Variants in RASGRF2 observed in about 807,000 individuals in gnomAD.
RASGRF2 encodes ras-specific guanine nucleotide-releasing factor 2.
In RASGRF2, 76 loss-of-function variants were observed where a neutral mutation model predicts 151.0. The observed-to-expected ratio is 0.50, with a 90% CI of 0.42 to 0.61. The LOEUF is 0.61. Among genes scored for constraint, RASGRF2 ranks in the 20% least tolerant of loss-of-function variants. The pLI is 0.00. For synonymous variants in RASGRF2, 504 were observed against 566.5 expected (o/e 0.89, Z 1.57); for missense variants, 1,148 against 1,564.6 (o/e 0.73, Z 4.49).
At position 81,156,831 on chromosome 5, in the gene RASGRF2, A is replaced by T. The variant is rs73768024; in HGVS notation, c.2687-23344A>T. On this transcript the variant is annotated intron_variant, in intron 17 of 26. Transcript: ENST00000265080. ...GCTGGAGTATCTTTAAAATGCAATA[A>T]GAAAAAGATAATTTAAGGTAGCCTG... Among the ~76,000 whole-genome samples the T allele has an allele frequency of 3.2e-4, 48 of 152,244 alleles. 1 individual carries two copies. Among genetic ancestry groups the T allele is most frequent in the African/African-American group, 1.1e-3 (46 of 41,528 alleles).
At chr5:81,168,280 T>C (rs10474654) in intron 17 of RASGRF2, among the ~76,000 whole-genome samples, 123,212 of 145,742 alleles carry the variant, frequency 0.85, 52,206 homozygotes, top group Admixed American at 0.89. Context: ...ATCATTCCTA[T>C]AGCATGCCAG....
intron 2 of RASGRF2, among the ~76,000 whole-genome samples, 189 bp downstream of exon 2, chr5:81,043,172 A>G (rs1033143357): frequency 6.6e-6 from 1 of 152,222 alleles, no homozygotes; most frequent in African/African-American, 2.4e-5. Flanking sequence ...GATTAATGGT[A>G]ATAGATACAA....
At chr5:80,981,676 A>G (rs1465739588) in intron 1 of RASGRF2, among the ~76,000 whole-genome samples, 2 of 152,036 alleles carry the variant, frequency 1.3e-5, no homozygotes, top group South Asian at 2.1e-4. Context: ...AGTGATTCTC[A>G]TGCCTCAGCC....
chr5:81,002,826 T>C (rs1749120786), intron 1 of RASGRF2, among the ~76,000 whole-genome samples: 1 of 152,192 alleles, frequency 6.6e-6, no homozygotes, highest in South Asian at 2.1e-4. Context: ...ATTGGCATCA[T>C]ATTACATTTA....
intron 1 of RASGRF2, among the ~76,000 whole-genome samples, chr5:81,029,910 G>T (rs995775812): frequency 6.6e-6 from 1 of 152,156 alleles, no homozygotes; most frequent in South Asian, 2.1e-4. Context: ...CTTGAAAAAA[G>T]ATTAGATGAA....
intron 1 of RASGRF2, among the ~76,000 whole-genome samples, chr5:81,009,919 G>A (rs889773374): frequency 4.6e-5 from 7 of 152,172 alleles, no homozygotes; most frequent in Non-Finnish European, 8.8e-5. Flanking sequence ...AGCACTTTGG[G>A]AGGCAGAGGC....
chr5:81,023,756 G>A (rs1241589071), intron 1 of RASGRF2, among the ~76,000 whole-genome samples: 2 of 152,324 alleles, frequency 1.3e-5, no homozygotes, highest in East Asian at 3.9e-4. Context: ...CTGTTAAGGT[G>A]CAGGCTGCAG....
At chr5:80,985,849 G>C (rs1748456765) in intron 1 of RASGRF2, among the ~76,000 whole-genome samples, 1 of 152,152 alleles carries the variant, frequency 6.6e-6, no homozygotes, top group Non-Finnish European at 1.5e-5. Flanking sequence ...TCTGAAGAGA[G>C]TGTTAGGTAT....
At chr5:81,204,689 C>G (rs1040137169) in intron 19 of RASGRF2, among the ~76,000 whole-genome samples, 1 of 152,096 alleles carries the variant, frequency 6.6e-6, no homozygotes, top group Non-Finnish European at 1.5e-5. Flanking sequence ...ACCCAACATG[C>G]CACAAAATAA....
At chr5:81,200,459 A>T (rs1014157140) in intron 18 of RASGRF2, among the ~76,000 whole-genome samples, 9 of 152,166 alleles carry the variant, frequency 5.9e-5, no homozygotes, top group African/African-American at 2.2e-4. Context: ...GTGCCTCTTC[A>T]ATCTCACTTC....
intron 17 of RASGRF2, among the ~76,000 whole-genome samples, chr5:81,155,615 C>T (rs1754242375): frequency 7.5e-6 from 1 of 134,024 alleles, no homozygotes; most frequent in African/African-American, 3.4e-5. Context: ...ATGCCCAAAA[C>T]TGGCAGCAGT....
At chr5:81,121,526 G>T (rs1318002057) in intron 15 of RASGRF2, among the ~76,000 whole-genome samples, 10 of 152,200 alleles carry the variant, frequency 6.6e-5, no homozygotes, top group Non-Finnish European at 1.5e-4. Context: ...GTCAAACAAT[G>T]TGAGGAGAAA....
chr5:81,064,148 G>A (rs541405310), intron 2 of RASGRF2, among the ~76,000 whole-genome samples: 12 of 152,308 alleles, frequency 7.9e-5, no homozygotes, highest in African/African-American at 2.6e-4. Context: ...CACAACTGGG[G>A]AAGGATCCAC....
chr5:81,100,026 G>A (rs771466358), intron 12 of RASGRF2, among the ~76,000 whole-genome samples: 1 of 150,682 alleles, frequency 6.6e-6, no homozygotes, highest in Non-Finnish European at 1.5e-5. Context: ...TCCTGCGTCA[G>A]CCTCCCGAGT....
chr5:81,103,725 G>C (rs1382249526), intron 12 of RASGRF2, among the ~76,000 whole-genome samples: 1 of 143,456 alleles, frequency 7.0e-6, no homozygotes, highest in Non-Finnish European at 1.6e-5. Context: ...GATTGCCTTT[G>C]AAAAATTAAA....
At chr5:81,134,706 G>A (rs1379094471) in intron 17 of RASGRF2, among the ~76,000 whole-genome samples, 4 of 152,156 alleles carry the variant, frequency 2.6e-5, no homozygotes, top group Admixed American at 2.6e-4. Flanking sequence ...ATTACTTGTA[G>A]TAGACTATAC....
chr5:81,033,668 A>C lies in RASGRF2; in HGVS notation c.289-9209A>C, dbSNP rs546052648. Among the ~76,000 whole-genome samples the C allele has an allele frequency of 3.1e-3, 467 of 152,056 alleles. 1 individual carries two copies. The highest frequency in any genetic ancestry group is 7.1e-3 in the Admixed American group (109 of 15,252). On this transcript the variant is annotated intron_variant, in intron 1 of 26. Coordinates refer to ENST00000265080, the MANE Select transcript of RASGRF2 (RefSeq NM_006909.3). ...TAATTCAAGATGGATTAAAGACTTA[A>C]ATGTTAGACCTAAAACCATAAAAAC...
intron 2 of RASGRF2, among the ~76,000 whole-genome samples, chr5:81,064,487 G>T (rs1751536364): frequency 6.6e-6 from 1 of 152,156 alleles, no homozygotes; most frequent in Non-Finnish European, 1.5e-5. Context: ...TTACCTAAGG[G>T]GTTGAGTACT....
chr5:81,117,151 G>C (rs931235730), intron 15 of RASGRF2, among the ~76,000 whole-genome samples: 1 of 152,218 alleles, frequency 6.6e-6, no homozygotes, highest in African/African-American at 2.4e-5. Context: ...TTGAGCTACT[G>C]TCTAGGACAA....
Sources: gnomAD v4.1 joint callset for allele counts (sites outside exome capture counted in the v4.1 genomes callset) on GRCh38, gnomAD v4.1.1 for gene constraint, MANE v1.5 for transcripts, NCBI Gene and HGNC (gene_info 2026-07-23, HGNC 2026-07-21) for gene names.